STXBP5L: variants seen among roughly 807,000 people sequenced by gnomAD.
The protein encoded by STXBP5L is syntaxin binding protein 5L.
STXBP5L carries 65 observed loss-of-function variants against 144.5 expected under a neutral mutation model. The observed-to-expected ratio is 0.45, with a 90% CI of 0.37 to 0.55. STXBP5L has a LOEUF of 0.55. Among genes scored for constraint, STXBP5L ranks in the 20% least tolerant of loss-of-function variants. The pLI is 0.00. For missense variants in STXBP5L, 1,298 were observed against 1,405.5 expected (o/e 0.92, Z 1.22); for synonymous variants, 505 against 469.6 (o/e 1.08, Z -0.97).
At chr3:120,964,073 G>A (rs1288315993) in intron 3 of STXBP5L, among the ~76,000 whole-genome samples, 3 of 152,162 alleles carry the variant, frequency 2.0e-5, no homozygotes, top group African/African-American at 4.8e-5. Flanking sequence ...GTTGTTTACA[G>A]TATTTTCTGA....
At chr3:121,237,954 T>A (rs1029981256) in intron 12 of STXBP5L, among the ~76,000 whole-genome samples, 2 of 152,202 alleles carry the variant, frequency 1.3e-5, no homozygotes, top group African/African-American at 4.8e-5. Flanking sequence ...CATATTTCTG[T>A]CAGTATTTTG....
intron 3 of STXBP5L, among the ~76,000 whole-genome samples, chr3:120,955,498 C>G (rs892509481): frequency 2.4e-4 from 37 of 152,016 alleles, no homozygotes; most frequent in Non-Finnish European, 3.2e-4. Context: ...TGAGAACTTT[C>G]TTCTTTTCTA....
intron 5 of STXBP5L, among the ~76,000 whole-genome samples, chr3:121,103,072 G>A (rs998471856): frequency 3.3e-5 from 5 of 152,166 alleles, no homozygotes; most frequent in African/African-American, 1.2e-4. Flanking sequence ...CAAAGCTGTG[G>A]AGAAAAAGGA....
chr3:121,058,877 T>G (rs1481650380), intron 5 of STXBP5L, among the ~76,000 whole-genome samples: 2 of 152,252 alleles, frequency 1.3e-5, no homozygotes, highest in African/African-American at 2.4e-5. Flanking sequence ...TATTAGCCTT[T>G]GTCAAATGGA....
chr3:121,270,430 A>G (rs1277106517), intron 18 of STXBP5L, among the ~76,000 whole-genome samples: 1 of 151,954 alleles, frequency 6.6e-6, no homozygotes, highest in Non-Finnish European at 1.5e-5. Flanking sequence ...ATTTCTTCTT[A>G]GTCTCCTTTA....
chr3:121,418,040 A>G (rs1191740939), intron 25 of STXBP5L, among the ~76,000 whole-genome samples: 1 of 152,242 alleles, frequency 6.6e-6, no homozygotes. Context: ...TGGGTTAAAT[A>G]TGAAGTCACA....
chr3:121,299,244 TGAG>T (rs2051789491), intron 19 of STXBP5L, among the ~76,000 whole-genome samples: 1 of 152,170 alleles, frequency 6.6e-6, no homozygotes, highest in South Asian at 2.1e-4. Context: ...GAAAAGCAAA[TGAG>T]GAAGATATTT....
intron 3 of STXBP5L, among the ~76,000 whole-genome samples, chr3:121,024,297 A>G (rs1026488391): frequency 7.9e-5 from 12 of 152,206 alleles, no homozygotes; most frequent in African/African-American, 2.9e-4. Context: ...ATGGATCACA[A>G]ATAAGCATAT....
chr3:120,962,543 C>T (rs1938975455), intron 3 of STXBP5L, among the ~76,000 whole-genome samples: 1 of 152,096 alleles, frequency 6.6e-6, no homozygotes, highest in Non-Finnish European at 1.5e-5. Flanking sequence ...AATCCTTTCC[C>T]CATTTCGTGT....
At chr3:121,390,959 A>G (rs1223119713) in intron 22 of STXBP5L, among the ~76,000 whole-genome samples, 2 of 152,090 alleles carry the variant, frequency 1.3e-5, no homozygotes, top group South Asian at 2.1e-4. Flanking sequence ...GTTCTCCTGG[A>G]TAATACCCTG....
intron 5 of STXBP5L, among the ~76,000 whole-genome samples, chr3:121,081,912 G>A (rs967860631): frequency 6.6e-6 from 1 of 152,138 alleles, no homozygotes; most frequent in Admixed American, 6.5e-5. Context: ...AAGTGTTCTG[G>A]CTGTTCAAAT....
intron 3 of STXBP5L, among the ~76,000 whole-genome samples, chr3:121,001,933 C>G (rs1215265123): frequency 6.6e-6 from 1 of 152,190 alleles, no homozygotes; most frequent in Non-Finnish European, 1.5e-5. Flanking sequence ...TATGCATTCA[C>G]CACATTTTTT....
In STXBP5L at chr3:121,031,265, G is replaced by A. The variant is rs542146052; in HGVS notation, c.288-10435G>A. ...ATTGTGGAAAATAGGTTGGAAGCAA[G>A]GTCAGAATACACAACAATAGGATGT... is the stretch of plus-strand genomic sequence containing the variant. On this transcript the variant is annotated intron_variant, in intron 3 of 26. Coordinates refer to ENST00000471454, the MANE Select transcript of STXBP5L (RefSeq NM_001308330.2). 3.9e-5 allele frequency among the ~76,000 whole-genome samples: 6 copies of A among 152,078 alleles called. No homozygotes were observed. The South Asian group carries it at 1.2e-3, about 32-fold the overall frequency.
At chr3:121,093,096 C>T (rs555981741) in intron 5 of STXBP5L, among the ~76,000 whole-genome samples, 1 of 152,308 alleles carries the variant, frequency 6.6e-6, no homozygotes, top group South Asian at 2.1e-4. Flanking sequence ...ATATATCGAA[C>T]CAGCCTTGCA....
At chr3:121,360,194 A>AT (rs1197786890) in intron 20 of STXBP5L, among the ~76,000 whole-genome samples, 1 of 150,320 alleles carries the variant, frequency 6.7e-6, no homozygotes. Flanking sequence ...CTTGAAATCT[A>AT]TTTTTTCTGA....
intron 9 of STXBP5L, among the ~76,000 whole-genome samples, chr3:121,205,057 T>C (rs2048286034): frequency 6.6e-6 from 1 of 152,216 alleles, no homozygotes; most frequent in African/African-American, 2.4e-5. Context: ...ATTTTAATAG[T>C]TCATTGTATG....
At chr3:120,976,435 T>G (rs182089379) in intron 3 of STXBP5L, among the ~76,000 whole-genome samples, 178 of 152,312 alleles carry the variant, frequency 1.2e-3, no homozygotes, top group African/African-American at 4.2e-3. Context: ...TCTTCTCTCT[T>G]TTCTTCTTTA....
chr3:121,347,808 G>A (rs910047889), intron 20 of STXBP5L, among the ~76,000 whole-genome samples: 3 of 152,128 alleles, frequency 2.0e-5, no homozygotes, highest in Admixed American at 2.0e-4. Context: ...CATTGATTTT[G>A]TATCCTGAGA....
At chr3:120,927,265 T>C (rs1284342582) in intron 2 of STXBP5L, among the ~76,000 whole-genome samples, 1 of 152,162 alleles carries the variant, frequency 6.6e-6, no homozygotes, top group Non-Finnish European at 1.5e-5. Flanking sequence ...TAATTGCTTT[T>C]CTGTGTTGTG....
Sources: gnomAD v4.1 joint callset for allele counts (sites outside exome capture counted in the v4.1 genomes callset) on GRCh38, gnomAD v4.1.1 for gene constraint, MANE v1.5 for transcripts, NCBI Gene and HGNC (gene_info 2026-07-23, HGNC 2026-07-21) for gene names.